The following RIMS3 variants were observed in gnomAD, a reference collection of about 807,000 sequenced individuals.
RIMS3 encodes regulating synaptic membrane exocytosis protein 3.
RIMS3 carries 15 observed loss-of-function variants against 29.2 expected under a neutral mutation model. The observed-to-expected ratio is 0.51, with a 90% CI of 0.34 to 0.79. The LOEUF (loss-of-function observed/expected upper bound fraction) is 0.79, where lower values mean the gene tolerates loss of function less well. Ranked by LOEUF, RIMS3 falls within the 30% of genes least tolerant of loss-of-function variation. The pLI is 0.01. For missense variants in RIMS3, 342 were observed against 421.4 expected, an observed-to-expected ratio of 0.81 and a Z score of 1.65; for synonymous variants, 161 against 170.1, an observed-to-expected ratio of 0.95 and a Z score of 0.41.
upstream of RIMS3, among the ~76,000 whole-genome samples, chr1:40,668,709 A>G (rs926312678): frequency 6.6e-6 from 1 of 152,230 alleles, no homozygotes; most frequent in African/African-American, 2.4e-5. Flanking sequence ...CCTAGAAGCC[A>G]TAAGAGAAAA....
At chr1:40,639,647 G>A (rs1646543171) in intron 3 of RIMS3, among the ~76,000 whole-genome samples, 1 of 152,186 alleles carries the variant, frequency 6.6e-6, no homozygotes, top group Non-Finnish European at 1.5e-5. Context: ...GCTCAGAGAG[G>A]TGAAGTAACT....
At chr1:40,690,358 A>G in the RIMS3 span, 11 of 94,588 alleles carry the variant, frequency 1.2e-4, no homozygotes, top group Non-Finnish European at 2.1e-4. Context: ...AAATGTCATT[A>G]TAAGTAACTT....
At chr1:40,638,320 A>G (rs146251759) in intron 3 of RIMS3, among the ~76,000 whole-genome samples, 4 of 152,172 alleles carry the variant, frequency 2.6e-5, no homozygotes, top group Non-Finnish European at 5.9e-5. Flanking sequence ...AGCTCTTGCA[A>G]TCTCAGAGAC....
At chr1:40,678,639 T>C in the RIMS3 span, among the ~76,000 whole-genome samples, 1 of 152,146 alleles carries the variant, frequency 6.6e-6, no homozygotes, top group African/African-American at 2.4e-5. Flanking sequence ...ACAGTTCTAA[T>C]AGCTGGGGAC....
chr1:40,682,246 C>A, the RIMS3 span, among the ~76,000 whole-genome samples: 1 of 152,108 alleles, frequency 6.6e-6, no homozygotes, highest in Non-Finnish European at 1.5e-5. Flanking sequence ...TGTTTAGGTA[C>A]CTATTGTTAA....
intron 3 of RIMS3, among the ~76,000 whole-genome samples, chr1:40,639,120 G>T (rs549894371): frequency 6.6e-6 from 1 of 152,204 alleles, no homozygotes; most frequent in African/African-American, 2.4e-5. Context: ...CCAGGAGGAA[G>T]GAGGCCCTGG....
chr1:40,665,831 G>C (rs995754682), upstream of RIMS3, among the ~76,000 whole-genome samples: 2 of 152,166 alleles, frequency 1.3e-5, no homozygotes, highest in African/African-American at 2.4e-5. Flanking sequence ...GTGGTTGGGG[G>C]ACCTACATTA....
chr1:40,658,348 C>A (rs1001240315), intron 1 of RIMS3, among the ~76,000 whole-genome samples: 2 of 152,214 alleles, frequency 1.3e-5, no homozygotes, highest in Non-Finnish European at 2.9e-5. Context: ...AAAGACTCTC[C>A]TTTAAGTCAC....
Position 40,636,328 on chromosome 1 carries a change from G to A in RIMS3, c.218-271C>T, listed in dbSNP as rs1196796084. On this transcript the variant is annotated intron_variant, in intron 3 of 7. Coordinates refer to ENST00000372684, the MANE Select transcript of RIMS3 (RefSeq NM_014747.3). The surrounding 1 kb of genome is among the most constrained non-coding windows in gnomAD (Gnocchi z 4.2). ...CATGATGGCGCCACCACGCAGAGCC[G>A]CAGATCCGCAGCTGGGGCCCTCGCC... Among the ~76,000 whole-genome samples, 5 of 152,164 alleles carry A rather than the reference G, an allele frequency of 3.3e-5. No individual in the cohort carries two copies. Among genetic ancestry groups the A allele is most frequent in the African/African-American group, 4.8e-5 (2 of 41,442 alleles).
At chr1:40,652,896 C>T (rs557497940) in intron 1 of RIMS3, among the ~76,000 whole-genome samples, 1 of 151,962 alleles carries the variant, frequency 6.6e-6, no homozygotes, top group Non-Finnish European at 1.5e-5. Flanking sequence ...AAGTGAGGTG[C>T]GAAGAGGAAA....
At chr1:40,668,899 G>A (rs2148368258), upstream of RIMS3, among the ~76,000 whole-genome samples, 1 of 152,346 alleles carries the variant, frequency 6.6e-6, no homozygotes, top group Middle Eastern at 3.4e-3. Flanking sequence ...GGCTGTGAGA[G>A]TCGAGACCGA....
the RIMS3 span, among the ~76,000 whole-genome samples, chr1:40,674,887 C>T: frequency 6.6e-6 from 1 of 152,160 alleles, no homozygotes; most frequent in African/African-American, 2.4e-5. Context: ...TCTGATATAG[C>T]AGCACAAAAT....
In RIMS3 at chr1:40,623,624, G is replaced by A. The variant is rs1044228499; in HGVS notation, c.*2893C>T. Reference sequence around the variant, plus strand: ...GAACATGGCAGTGAGTTGGCCCCAGGGTGGGAGACTTCTGGAGGGATCATG... The same window carrying A: ...GAACATGGCAGTGAGTTGGCCCCAGAGTGGGAGACTTCTGGAGGGATCATG... On this transcript the variant is annotated 3_prime_UTR_variant, in exon 8 of 8. Coordinates refer to ENST00000372684, the MANE Select transcript of RIMS3 (RefSeq NM_014747.3). 9 of 397,876 alleles carry A rather than the reference G, an allele frequency of 2.3e-5. No individual in the cohort carries two copies. The highest frequency in any genetic ancestry group is 1.4e-4 in the African/African-American group (7 of 48,600). The allele number at this position is 397,876 out of a possible 1,614,324, so 24.6% of individuals were successfully genotyped here. A position where few individuals can be genotyped will look rare whatever the true frequency, so the allele number is the denominator to read the frequency against.
upstream of RIMS3, among the ~76,000 whole-genome samples, chr1:40,668,497 G>GGT (rs1642453501): frequency 7.5e-6 from 1 of 133,886 alleles, no homozygotes; most frequent in African/African-American, 2.7e-5. Flanking sequence ...TGGGCGGGGG[G>GGT]GGGGGGGTTG....
upstream of RIMS3, among the ~76,000 whole-genome samples, chr1:40,668,249 CAAAAAAAAAA>C (rs35624303): frequency 9.4e-6 from 1 of 106,408 alleles, no homozygotes; most frequent in Non-Finnish European, 1.8e-5. Flanking sequence ...GACTCTGTCT[CAAAAAAAAAA>C]AAAAAAAAAA....
Position 40,636,012 on chromosome 1 carries a change from T to C in RIMS3, c.263A>G (p.Glu88Gly). ...CCGCATCTCCACCGCGATGCCTGTCTCCGTGCTCCGGCGGATGTTGCTGCG... is the reference window on the plus strand; with the variant it reads ...CCGCATCTCCACCGCGATGCCTGTCCCCGTGCTCCGGCGGATGTTGCTGCG... Reference protein sequence around the residue: ...KLRSNIRRSTETGIAVEMRSR... With the variant: ...KLRSNIRRSTGTGIAVEMRSR... The change falls in exon 4 of 8, where the codon GAG becomes GGG. Residue 88 changes from glutamate (E) to glycine (G), a missense_variant. Physicochemically the swap from Glu to Gly is moderately conservative, Grantham distance 98. Transcript: ENST00000372684. The surrounding 1 kb of genome is among the most constrained non-coding windows in gnomAD (Gnocchi z 4.2). 6.2e-7 allele frequency: 1 copy of C among 1,608,262 alleles called. No individual in the cohort carries two copies. The highest frequency in any genetic ancestry group is 8.5e-7 in the Non-Finnish European group (1 of 1,179,970).
In RIMS3 at chr1:40,641,743, C is replaced by T. The variant is rs12078107; in HGVS notation, c.183G>A (p.Gln61=). The change falls in exon 3 of 8, where the codon CAG becomes CAA. Residue 61 remains glutamine (Q), a synonymous_variant. Coordinates refer to ENST00000372684, the MANE Select transcript of RIMS3 (RefSeq NM_014747.3). The stretch of plus-strand genomic sequence containing the variant: ...GAAGCTGGAGTGTGCTCTTGCTCCA[C>T]TGAGTCAGGCCCACGATGGCCACCA... ...AKMVAIVGLT[Q]WSKSTLQLPQ... The T allele has an allele frequency of 6.2e-7, 1 of 1,614,010 alleles. No homozygotes were observed. Among genetic ancestry groups the T allele is most frequent in the Non-Finnish European group, 8.5e-7 (1 of 1,179,958 alleles).
chr1:40,627,223 A>G (rs1646459900), intron 7 of RIMS3, among the ~76,000 whole-genome samples: 2 of 152,142 alleles, frequency 1.3e-5, no homozygotes, highest in Non-Finnish European at 2.9e-5. Context: ...CAGTGTTTCC[A>G]GCCACACCAC....
At chr1:40,691,923 G>A in the RIMS3 span, 15 of 341,448 alleles carry the variant, frequency 4.4e-5, no homozygotes, top group African/African-American at 2.9e-4. Context: ...GGCGGCGGGG[G>A]GAGGGGCAGC....
Sources: allele counts gnomAD v4.1 joint callset (sites outside exome capture counted in the v4.1 genomes callset), GRCh38; gene constraint gnomAD v4.1.1; non-coding constraint Gnocchi (gnomAD v3.1); transcripts MANE v1.5; gene names NCBI Gene and HGNC (gene_info 2026-07-23, HGNC 2026-07-21).